Variants in UTP20 observed in about 807,000 individuals in gnomAD.
UTP20 encodes small subunit processome component 20 homolog.
A neutral mutation model predicts 329.5 loss-of-function variants in UTP20; 164 were observed. The ratio of observed to expected loss-of-function variants is 0.50; its 90% CI spans 0.44 to 0.57. The LOEUF is 0.57. Among genes scored for constraint, UTP20 ranks in the 20% least tolerant of loss-of-function variants. The pLI, the probability that UTP20 is intolerant of heterozygous loss-of-function variation, is 0.00. For missense variants in UTP20, 3,055 were observed against 3,284.2 expected (o/e 0.93, Z 1.71); for synonymous variants, 1,151 against 1,159.3 (o/e 0.99, Z 0.14).
At chr12:101,304,505 C>T (rs1403394535) in intron 15 of UTP20, among the ~76,000 whole-genome samples, 1 of 152,222 alleles carries the variant, frequency 6.6e-6, no homozygotes, top group Non-Finnish European at 1.5e-5. Flanking sequence ...AAGCCCTGGT[C>T]TGAACTCCTT....
In UTP20 at chr12:101,369,758, T is replaced by G; in HGVS notation, c.6422T>G (p.Leu2141Trp). 1 of 1,604,146 alleles carries G rather than the reference T, an allele frequency of 6.2e-7. No homozygotes were observed. The highest frequency in any genetic ancestry group is 8.5e-7 in the Non-Finnish European group (1 of 1,171,028). ...GCTTTACAGTGCCTCATCTGGGTCT[T>G]GAGGTTCCCGCTACCTTCCATAGAA... ...TGALQCLIWV[L>W]RFPLPSIETK... The change falls in exon 49 of 62, where the codon TTG (leucine) becomes TGG (tryptophan). Residue 2141 changes from leucine to tryptophan, a missense_variant. Leu to Trp is a moderately conservative substitution (Grantham distance 61). Transcript: ENST00000261637.
chr12:101,308,965 C>T (rs1401932112), intron 18 of UTP20, among the ~76,000 whole-genome samples: 2 of 152,090 alleles, frequency 1.3e-5, no homozygotes, highest in African/African-American at 4.8e-5. Flanking sequence ...GATCTCCTGA[C>T]CTCGTGATCC....
chr12:101,345,893 A>G (rs1869307029), intron 37 of UTP20, among the ~76,000 whole-genome samples, 199 bp downstream of exon 37: 1 of 152,214 alleles, frequency 6.6e-6, no homozygotes, highest in Admixed American at 6.5e-5. Flanking sequence ...ATCACAAACC[A>G]CAGTTAATAA....
chr12:101,360,821 T>C (rs144451055), intron 43 of UTP20, among the ~76,000 whole-genome samples: 10 of 152,094 alleles, frequency 6.6e-5, no homozygotes, highest in Non-Finnish European at 1.0e-4. Flanking sequence ...AGAGCAAGAC[T>C]CTGCCTCCAA....
At chr12:101,312,900 G>A (rs368337436) in intron 21 of UTP20, among the ~76,000 whole-genome samples, 2 of 152,188 alleles carry the variant, frequency 1.3e-5, no homozygotes, top group Admixed American at 6.5e-5. Flanking sequence ...AAAAAATTCC[G>A]GGTTACAGTA....
chr12:101,280,981 C>T (rs1424380798), intron 1 of UTP20, 135 bp from the exon 2 acceptor site: 2 of 670,042 alleles, frequency 3.0e-6, no homozygotes, highest in South Asian at 2.4e-5. Context: ...AATTTGTTTA[C>T]GGCCGTATGT....
Position 101,299,777 on chromosome 12 carries a change from A to G in UTP20, c.1526A>G (p.Asn509Ser). The change falls in exon 13 of 62, where the codon AAT (asparagine) becomes AGT (serine). Residue 509 changes from asparagine to serine, a missense_variant. Physicochemically the swap from Asn to Ser is conservative, Grantham distance 46. This residue lies in a region of UTP20 where 2,445 missense variants were observed against 2,575.5 expected (regional missense o/e 0.95). Coordinates refer to ENST00000261637, the MANE Select transcript of UTP20 (RefSeq NM_014503.3). ...TTATCTATAATTAAGTTACCCCCAAATAAAGATACTACTTACCTTTCACAA... is the reference window on the plus strand; with the variant it reads ...TTATCTATAATTAAGTTACCCCCAAGTAAAGATACTACTTACCTTTCACAA... ...HLLSIIKLPP[N>S]KDTTYLSQSW... The G allele has an allele frequency of 2.5e-6, 4 of 1,613,358 alleles. No individual in the cohort carries two copies. Among genetic ancestry groups the G allele is most frequent in the Non-Finnish European group, 3.4e-6 (4 of 1,179,774 alleles).
At chr12:101,359,485 G>A (rs1414604570) in intron 43 of UTP20, among the ~76,000 whole-genome samples, 2 of 136,360 alleles carry the variant, frequency 1.5e-5, no homozygotes, top group East Asian at 5.4e-4. Context: ...GTGTGTGTGT[G>A]TATGTATGTG....
chr12:101,365,072 T>TTTTG (rs144020953), intron 45 of UTP20, among the ~76,000 whole-genome samples: 1 of 141,916 alleles, frequency 7.0e-6, no homozygotes, highest in Non-Finnish European at 1.5e-5. Flanking sequence ...ATTTTGTTGA[T>TTTTG]TGTGTGTGTG....
intron 37 of UTP20, among the ~76,000 whole-genome samples, chr12:101,346,082 G>A (rs3782848): frequency 0.18 from 27,545 of 151,264 alleles, 3,052 homozygotes; most frequent in East Asian, 0.37. Context: ...ATGGAGTTTC[G>A]CTCTTGTTGC....
At chr12:101,290,941 T>C in intron 8 of UTP20, 53 bp downstream of exon 8, 1 of 1,561,612 alleles carries the variant, frequency 6.4e-7, no homozygotes, top group Non-Finnish European at 8.7e-7. Flanking sequence ...AAGAATTTAC[T>C]GTTTCTGCTC....
At chr12:101,287,815 T>G (rs1332780477) in intron 5 of UTP20, among the ~76,000 whole-genome samples, 1 of 152,236 alleles carries the variant, frequency 6.6e-6, no homozygotes, top group East Asian at 1.9e-4. Flanking sequence ...CAGTCACAGA[T>G]AAAACAGATA....
Position 101,290,823 on chromosome 12 carries a change from A to G in UTP20, c.826A>G (p.Met276Val), listed in dbSNP as rs1441223197. 1.2e-6 allele frequency: 2 copies of G among 1,613,942 alleles called. No homozygotes were observed. Among genetic ancestry groups the G allele is most frequent in the East Asian group, 2.2e-5 (1 of 44,876 alleles). ...GTTAATTGGAGAAACACTCAAAAAC[A>G]TGGTCAAATCCACTGTATCCTACAT... ...WMLIGETLKN[M>V]VKSTVSYISK... is the part of the protein sequence containing the mutation. Residue 276 changes from methionine (M) to valine (V), a missense_variant, in exon 8 of 62, where the codon ATG becomes GTG. Physicochemically the swap from Met to Val is conservative, Grantham distance 21 (BLOSUM62 1). Coordinates refer to ENST00000261637, the MANE Select transcript of UTP20 (RefSeq NM_014503.3).
At position 101,338,132 on chromosome 12, in the gene UTP20, G is replaced by A. The variant is rs755846428; in HGVS notation, c.3723G>A (p.Ala1241=). 6.8e-6 allele frequency: 11 copies of A among 1,613,998 alleles called. No individual in the cohort carries two copies. The highest frequency in any genetic ancestry group is 3.3e-5 in the Admixed American group (2 of 59,986). Reference sequence around the variant, plus strand: ...CCAATGTTTTTGCAATTCTCTCAGCGAAGAATCTTTCTGATGCCACAGCCA... The same window carrying A: ...CCAATGTTTTTGCAATTCTCTCAGCAAAGAATCTTTCTGATGCCACAGCCA... The part of the protein sequence containing the change: ...ILTNVFAILS[A]KNLSDATASI... The change falls in exon 30 of 62, where the codon GCG becomes GCA. Residue 1241 remains alanine (A), a synonymous_variant. Coordinates refer to ENST00000261637, the MANE Select transcript of UTP20 (RefSeq NM_014503.3).
Position 101,321,043 on chromosome 12 carries a change from C to CT in UTP20, c.2915+112dup, listed in dbSNP as rs1868361660. 3.6e-5 allele frequency: 37 copies of CT among 1,022,164 alleles called. 3 individuals carry two copies. In the South Asian group the frequency reaches 6.9e-4, roughly 19 times the overall value. 63.3% of individuals were successfully genotyped at this position (1,022,164 alleles called of 1,614,324 possible). On this transcript the variant is annotated intron_variant, in intron 24 of 61. Transcript: ENST00000261637. ...TTTATTAAAGGCCTAGAAAGTTTCC[C>CT]TTTTTTCTGAGGTCATCGTATTTCC...
At chr12:101,334,142 G>T (rs1403698773) in intron 28 of UTP20, among the ~76,000 whole-genome samples, 1 of 152,234 alleles carries the variant, frequency 6.6e-6, no homozygotes, top group Non-Finnish European at 1.5e-5. Flanking sequence ...TTTAGGAAAT[G>T]TTTCTAGGTG....
chr12:101,341,589 A>T (rs189047449), intron 32 of UTP20, among the ~76,000 whole-genome samples: 62 of 152,364 alleles, frequency 4.1e-4, no homozygotes, highest in African/African-American at 1.5e-3. Flanking sequence ...TTGGAGAAAT[A>T]ACAATATAAT....
chr12:101,295,418 T>A, intron 11 of UTP20, 62 bp from the exon 12 acceptor site: 1 of 1,421,804 alleles, frequency 7.0e-7, no homozygotes, highest in Non-Finnish European at 9.3e-7. Context: ...TTTTTTGAAT[T>A]GTTAGCATCT....
chr12:101,342,111 G>A (rs1869159778), intron 32 of UTP20, among the ~76,000 whole-genome samples: 1 of 151,942 alleles, frequency 6.6e-6, no homozygotes, highest in Admixed American at 6.6e-5. Context: ...ATTTTTTGGG[G>A]TCCTGGAACC....
Sources: gnomAD v4.1 joint callset for allele counts (sites outside exome capture counted in the v4.1 genomes callset) on GRCh38, gnomAD v4.1.1 for gene constraint, gnomAD v4.1.1 regional missense constraint, MANE v1.5 for transcripts, NCBI Gene and HGNC (gene_info 2026-07-23, HGNC 2026-07-21) for gene names.